CCNH: variants seen among roughly 807,000 people sequenced by gnomAD.
The protein encoded by CCNH is cyclin-H.
CCNH carries 31 observed loss-of-function variants against 41.9 expected under a neutral mutation model. That is an observed-to-expected ratio of 0.74 (90% confidence interval 0.56 to 1.00). The LOEUF (loss-of-function observed/expected upper bound fraction) is 1.00, where lower values mean the gene tolerates loss of function less well. Ranked by LOEUF, CCNH falls within the 50% of genes least tolerant of loss-of-function variation. The probability of loss-of-function intolerance (pLI) is 0.00; values close to 1 mark genes in which losing one functional copy is unlikely to be tolerated. For synonymous variants in CCNH, 138 were observed against 136.1 expected (o/e 1.01, Z -0.10); for missense variants, 362 against 388.4 (o/e 0.93, Z 0.57).
chr5:87,357,206 C>T (rs914748426), intron 9 of CCNH, among the ~76,000 whole-genome samples: 1 of 151,686 alleles, frequency 6.6e-6, no homozygotes, highest in Non-Finnish European at 1.5e-5. Flanking sequence ...GAGAAGTTAG[C>T]CAGAACATAT....
downstream of CCNH, chr5:87,392,355 ATG>A (rs1762587369): frequency 2.2e-6 from 1 of 455,838 alleles, no homozygotes; most frequent in Admixed American, 2.4e-5. Flanking sequence ...CTGCTAACCT[ATG>A]TGGCTTCAAT....
chr5:87,334,368 T>C (rs1185778418), intron 9 of CCNH, among the ~76,000 whole-genome samples: 2 of 152,150 alleles, frequency 1.3e-5, no homozygotes, highest in Non-Finnish European at 2.9e-5. Context: ...CCTCAGTGAA[T>C]TGGATGATGC....
intron 6 of CCNH, among the ~76,000 whole-genome samples, chr5:87,399,977 T>C (rs933977064): frequency 6.6e-6 from 1 of 152,218 alleles, no homozygotes; most frequent in Admixed American, 6.5e-5. Flanking sequence ...CAGTAAAAAT[T>C]TGTTAATAAT....
intron 7 of CCNH, among the ~76,000 whole-genome samples, chr5:87,398,854 T>TAG (rs1763170253): frequency 6.6e-6 from 1 of 151,842 alleles, no homozygotes; most frequent in Non-Finnish European, 1.5e-5. Flanking sequence ...GCGCCTGTAG[T>TAG]CCCAGCTACT....
intron 1 of CCNH, 123 bp from the exon 2 acceptor site, chr5:87,411,469 C>A: frequency 2.6e-6 from 2 of 783,200 alleles, no homozygotes; most frequent in Non-Finnish European, 3.7e-6. Context: ...TATCACGCCT[C>A]ATTTTCTTTA....
intron 9 of CCNH, among the ~76,000 whole-genome samples, chr5:87,367,985 T>A (rs565799089): frequency 2.0e-5 from 3 of 152,078 alleles, no homozygotes; most frequent in African/African-American, 7.2e-5. Flanking sequence ...AAAAAAAAAA[T>A]TATCCTTAGG....
chr5:87,399,152 G>A (rs1465919108), intron 7 of CCNH, among the ~76,000 whole-genome samples: 1 of 152,136 alleles, frequency 6.6e-6, no homozygotes, highest in Non-Finnish European at 1.5e-5. Context: ...CCCATGAGAA[G>A]TAACAGAACA....
intron 9 of CCNH, chr5:87,332,384 A>G (rs1757668043): frequency 1.0e-6 from 1 of 997,158 alleles, no homozygotes; most frequent in Non-Finnish European, 1.5e-6. Context: ...GTATTTTAGT[A>G]TAAGGATATA....
At chr5:87,383,495 A>G (rs1761867479) in intron 9 of CCNH, among the ~76,000 whole-genome samples, 1 of 152,134 alleles carries the variant, frequency 6.6e-6, no homozygotes, top group South Asian at 2.1e-4. Flanking sequence ...AAAAGTGAGT[A>G]ATACATTCAA....
chr5:87,344,999 T>G (rs1758749535), intron 9 of CCNH, among the ~76,000 whole-genome samples: 1 of 152,094 alleles, frequency 6.6e-6, no homozygotes. Context: ...TCACTGTGCT[T>G]ATTATAGTTT....
chr5:87,338,876 A>G (rs1758234308), intron 9 of CCNH, among the ~76,000 whole-genome samples: 3 of 152,032 alleles, frequency 2.0e-5, no homozygotes, highest in Admixed American at 1.3e-4. Context: ...TACATTTTGA[A>G]TCTCGTCCTT....
At chr5:87,363,896 T>TA (rs1432659528) in intron 9 of CCNH, among the ~76,000 whole-genome samples, 9 of 152,042 alleles carry the variant, frequency 5.9e-5, no homozygotes, top group Non-Finnish European at 1.5e-5. Context: ...AAGTTAATGT[T>TA]AAAAAATAAT....
At position 87,331,248 on chromosome 5, in the gene CCNH, A is replaced by G; in HGVS notation, c.*91-12351T>C. 2.4e-6 allele frequency: 3 copies of G among 1,230,694 alleles called. No homozygotes were observed. In the South Asian group the frequency reaches 3.6e-5, roughly 15 times the overall value. The allele number at this position is 1,230,694 out of a possible 1,614,324, so 76.2% of individuals were successfully genotyped here. ...AGTAAAATGTAAATGTTTAAGTTAC[A>G]TGTAGGCATTTAAAACCTCTAGTAG... On this transcript the variant is annotated intron_variant and NMD_transcript_variant, in intron 9 of 9. Coordinates refer to the CCNH transcript ENST00000645953.
At position 87,335,000 on chromosome 5, in the gene CCNH, G is replaced by A. The variant is rs185099621; in HGVS notation, c.*91-16103C>T. 3.0e-4 allele frequency among the ~76,000 whole-genome samples: 46 copies of A among 152,022 alleles called. No individual in the cohort carries two copies. In the Middle Eastern group the frequency reaches 0.017, roughly 56 times the overall value. The stretch of plus-strand genomic sequence containing the variant: ...CTGGGTTCAAGGGATTCTTTGCCTC[G>A]GTCTTCTGAGCAGCTGGAATTACAG... On this transcript the variant is annotated intron_variant and NMD_transcript_variant, in intron 9 of 9. Transcript: ENST00000645953.
rs139823879 is a variant in CCNH at position 87,322,646 on chromosome 5, A to G, written c.*91-3749T>C. Among the ~76,000 whole-genome samples the G allele has an allele frequency of 4.2e-3, 642 of 152,226 alleles. 3 individuals carry two copies. The highest frequency in any genetic ancestry group is 6.2e-3 in the Non-Finnish European group (419 of 68,018). On this transcript the variant is annotated intron_variant and NMD_transcript_variant, in intron 9 of 9. Coordinates refer to the CCNH transcript ENST00000645953. ...CTCACTGAAAGCAGATTCCAGCACC[A>G]TGCTTCCTCTATAGTCCTGCAGAAC... is the stretch of plus-strand genomic sequence containing the variant.
downstream of CCNH, chr5:87,387,029 T>G (rs1249300293): frequency 2.3e-6 from 2 of 855,290 alleles, no homozygotes; most frequent in East Asian, 2.6e-5. Flanking sequence ...AGCCTGCAAA[T>G]TTTTGTCTGC....
Position 87,412,668 on chromosome 5 carries a change from A to G in CCNH, c.117+10T>C, listed in dbSNP as rs369934382. On this transcript the variant is annotated intron_variant, in intron 1 of 8. Transcript: ENST00000256897. Reference sequence around the variant, plus strand: ...ACCGGGCAACTGGGCAACCGTTGGGAAAACCTCACCTTCCCGTTGGCCACG... The same window carrying G: ...ACCGGGCAACTGGGCAACCGTTGGGGAAACCTCACCTTCCCGTTGGCCACG... The G allele has an allele frequency of 1.7e-4, 277 of 1,613,568 alleles. No individual in the cohort carries two copies. Among genetic ancestry groups the G allele is most frequent in the Non-Finnish European group, 2.3e-4 (266 of 1,179,756 alleles).
At chr5:87,383,915 A>G in intron 9 of CCNH, 1 of 778,230 alleles carries the variant, frequency 1.3e-6, no homozygotes. Flanking sequence ...AGTATTCCAA[A>G]GCACCCTTCC....
At chr5:87,381,307 A>G (rs553518980), upstream of CCNH, among the ~76,000 whole-genome samples, 9 of 152,326 alleles carry the variant, frequency 5.9e-5, no homozygotes, top group South Asian at 2.1e-4. Context: ...CTAAGACCCA[A>G]TCTGATATCC....
Sources: allele counts gnomAD v4.1 joint callset (sites outside exome capture counted in the v4.1 genomes callset), GRCh38; gene constraint gnomAD v4.1.1; transcripts MANE v1.5; gene names NCBI Gene and HGNC (gene_info 2026-07-23, HGNC 2026-07-21).